The following CEP63 variants were observed in gnomAD, a reference collection of about 807,000 sequenced individuals.
CEP63 encodes centrosomal protein 63.
CEP63 carries 84 observed loss-of-function variants against 89.1 expected under a neutral mutation model. That is an observed-to-expected ratio of 0.94 (90% CI 0.79 to 1.13). CEP63 has a LOEUF of 1.13. CEP63 is among the 50% of genes most tolerant of loss of function. The pLI is 0.00. For missense variants in CEP63, 838 were observed against 813.3 expected (o/e 1.03, Z -0.37); for synonymous variants, 267 against 272.5 (o/e 0.98, Z 0.20).
At chr3:134,513,653 T>G (rs1235354664) in intron 3 of CEP63, among the ~76,000 whole-genome samples, 1 of 152,066 alleles carries the variant, frequency 6.6e-6, no homozygotes, top group Non-Finnish European at 1.5e-5. Flanking sequence ...TTGATAACTT[T>G]AAGGGGCTAG....
the CEP63 span, chr3:134,608,567 G>T: frequency 4.3e-6 from 7 of 1,611,012 alleles, no homozygotes; most frequent in South Asian, 1.1e-5. Context: ...CCTTGAAAGC[G>T]CAGTCTCAGG....
the CEP63 span, among the ~76,000 whole-genome samples, chr3:134,778,097 C>CT: frequency 7.3e-4 from 96 of 132,406 alleles, no homozygotes; most frequent in Non-Finnish European, 1.1e-3. Flanking sequence ...TTCCACGTCA[C>CT]TTTTTTTTTT....
chr3:134,549,313 G>A, intron 10 of CEP63, 137 bp downstream of exon 10: 1 of 647,490 alleles, frequency 1.5e-6, no homozygotes, highest in Non-Finnish European at 2.8e-6. Context: ...GAGTGGAAGA[G>A]TTTGTGGAAT....
chr3:134,538,151 T>TAGAATG (rs1348494314), intron 6 of CEP63, among the ~76,000 whole-genome samples: 2 of 151,518 alleles, frequency 1.3e-5, no homozygotes, highest in Admixed American at 1.3e-4. Context: ...CTTAGTTTTA[T>TAGAATG]AGAATGAGGG....
chr3:134,577,042 C>T (rs186532069), downstream of CEP63, among the ~76,000 whole-genome samples: 1 of 152,204 alleles, frequency 6.6e-6, no homozygotes, highest in African/African-American at 2.4e-5. Flanking sequence ...TAAAGATGTC[C>T]TGGGACCATG....
chr3:134,640,637 A>G, the CEP63 span, among the ~76,000 whole-genome samples: 1 of 152,176 alleles, frequency 6.6e-6, no homozygotes, highest in Admixed American at 6.5e-5. Context: ...ACATGGAGTA[A>G]CGATTCCCTG....
intron 6 of CEP63, among the ~76,000 whole-genome samples, chr3:134,542,433 G>A (rs1441604914): frequency 6.6e-6 from 1 of 152,190 alleles, no homozygotes; most frequent in East Asian, 1.9e-4. Flanking sequence ...ACTAGGAGCT[G>A]TGTTGTTAAT....
At chr3:134,630,410 C>T in the CEP63 span, among the ~76,000 whole-genome samples, 23 of 144,098 alleles carry the variant, frequency 1.6e-4, no homozygotes, top group Non-Finnish European at 3.1e-4. Context: ...ACTGTTTTTT[C>T]TCTCTGTTTT....
chr3:134,505,141 GA>G (rs1943130022), intron 2 of CEP63, among the ~76,000 whole-genome samples: 1 of 152,120 alleles, frequency 6.6e-6, no homozygotes, highest in Admixed American at 6.5e-5. Context: ...TGTTACCAGA[GA>G]ATTATTGTGT....
the CEP63 span, among the ~76,000 whole-genome samples, chr3:134,664,481 G>A: frequency 1.3e-5 from 2 of 152,208 alleles, no homozygotes; most frequent in African/African-American, 4.8e-5. Flanking sequence ...ATTTGGGATG[G>A]GAAGAGCAAG....
chr3:134,486,071 G>C lies in CEP63; in HGVS notation c.-157G>C, dbSNP rs972888688. 1.0e-5 allele frequency: 10 copies of C among 985,210 alleles called. No homozygotes were observed. The African/African-American group carries it at 1.8e-4, about 17-fold the overall frequency. 61.0% of individuals were successfully genotyped at this position (985,210 alleles called of 1,614,324 possible). On this transcript the variant is annotated 5_prime_UTR_variant, in exon 1 of 15. Coordinates refer to ENST00000675561, the MANE Select transcript of CEP63 (RefSeq NM_001353108.3). ...GATGTGGGTGAGTTCATTTGCTCGC[G>C]TGCAGGGGAAGTCTGGAGAAGGCAT...
At chr3:134,515,452 A>G (rs1034756631) in intron 3 of CEP63, among the ~76,000 whole-genome samples, 2 of 152,240 alleles carry the variant, frequency 1.3e-5, no homozygotes, top group African/African-American at 4.8e-5. Context: ...CATTGAAATT[A>G]AAAGGTAAAA....
At chr3:134,547,561 T>C in intron 9 of CEP63, 89 bp downstream of exon 9, 1 of 1,099,924 alleles carries the variant, frequency 9.1e-7, no homozygotes, top group Non-Finnish European at 1.3e-6. Flanking sequence ...ATAGTCATAG[T>C]AAAAAAAATA....
the CEP63 span, among the ~76,000 whole-genome samples, chr3:134,678,564 A>G: frequency 7.2e-5 from 11 of 152,164 alleles, no homozygotes; most frequent in Non-Finnish European, 1.3e-4. Flanking sequence ...CTCTCCAGCC[A>G]CTCACTGTGT....
At chr3:134,721,278 G>A in the CEP63 span, among the ~76,000 whole-genome samples, 1 of 152,002 alleles carries the variant, frequency 6.6e-6, no homozygotes, top group African/African-American at 2.4e-5. Context: ...ATTTTGGAGT[G>A]TTTATTACTG....
chr3:134,741,526 G>A, the CEP63 span, among the ~76,000 whole-genome samples: 38,029 of 151,984 alleles, frequency 0.25, 5,064 homozygotes, highest in African/African-American at 0.34. Context: ...TTGAGTCCTC[G>A]CTCTGATCCA....
the CEP63 span, among the ~76,000 whole-genome samples, chr3:134,656,192 G>A: frequency 6.6e-6 from 1 of 152,174 alleles, no homozygotes; most frequent in Non-Finnish European, 1.5e-5. Context: ...GAGGGGCCAG[G>A]AAGGCTACAT....
chr3:134,635,653 C>T, the CEP63 span, among the ~76,000 whole-genome samples: 1 of 152,092 alleles, frequency 6.6e-6, no homozygotes, highest in Non-Finnish European at 1.5e-5. Flanking sequence ...ATGGTAACCA[C>T]CATAGTGGTG....
At chr3:134,516,257 A>C (rs564533915) in intron 3 of CEP63, among the ~76,000 whole-genome samples, 1 of 152,340 alleles carries the variant, frequency 6.6e-6, no homozygotes, top group East Asian at 1.9e-4. Flanking sequence ...ATATGCATAC[A>C]CATAAACATC....
Sources: allele counts gnomAD v4.1 joint callset (sites outside exome capture counted in the v4.1 genomes callset), GRCh38; gene constraint gnomAD v4.1.1; transcripts MANE v1.5; gene names NCBI Gene and HGNC (gene_info 2026-07-23, HGNC 2026-07-21).